The following SYT14 variants were observed in gnomAD, a reference collection of about 807,000 sequenced individuals.
The protein encoded by SYT14 is synaptotagmin-14.
SYT14 carries 32 observed loss-of-function variants against 74.2 expected under a neutral mutation model. That is an observed-to-expected ratio of 0.43 (90% CI 0.33 to 0.58). The LOEUF is 0.58. Ranked by LOEUF, SYT14 falls within the 20% of genes least tolerant of loss-of-function variation. The pLI, the probability that SYT14 is intolerant of heterozygous loss-of-function variation, is 0.05. For missense variants in SYT14, 791 were observed against 981.8 expected (o/e 0.81, Z 2.60); for synonymous variants, 298 against 337.7 (o/e 0.88, Z 1.29).
intron 4 of SYT14, among the ~76,000 whole-genome samples, chr1:210,020,350 T>C (rs2080276855): frequency 6.6e-6 from 1 of 152,210 alleles, no homozygotes; most frequent in South Asian, 2.1e-4. Context: ...CTCAAAAATA[T>C]ATCTTTATTC....
chr1:210,016,969 AC>A lies in SYT14; in HGVS notation c.967del (p.Gln323LysfsTer2). ...ATAAGTTATCTGGGAAAATTGAAGA[AC>A]AAATAAATTCAACGAAATACTGTAA... On this transcript the variant is annotated frameshift_variant, in exon 4 of 10. Coordinates refer to ENST00000637265, the Ensembl canonical transcript of SYT14. LOFTEE classifies it high-confidence loss of function. The A allele has an allele frequency of 8.1e-7, 1 of 1,231,884 alleles. No individual in the cohort carries two copies. Among genetic ancestry groups the A allele is most frequent in the Non-Finnish European group, 1.0e-6 (1 of 987,820 alleles). The allele number at this position is 1,231,884 out of a possible 1,614,324, so 76.3% of individuals were successfully genotyped here.
intron 2 of SYT14, among the ~76,000 whole-genome samples, chr1:210,006,895 G>A (rs1224771927): frequency 6.6e-6 from 1 of 151,738 alleles, no homozygotes; most frequent in Admixed American, 6.6e-5. Context: ...TTATTTTCAT[G>A]TATATCCTAG....
exon 10 of SYT14, chr1:210,168,474 C>T (rs1326419790): frequency 3.9e-5 from 6 of 152,106 alleles, no homozygotes; most frequent in African/African-American, 1.4e-4. Context: ...CTGTTTATTA[C>T]ATTAACATGT....
intron 7 of SYT14, among the ~76,000 whole-genome samples, chr1:210,113,196 G>A (rs2082298123): frequency 6.6e-6 from 1 of 151,196 alleles, no homozygotes; most frequent in African/African-American, 2.5e-5. Flanking sequence ...AAAAGGGAGT[G>A]ATGAGTTAGG....
chr1:210,168,345 TTCTTCACCC>T (rs910803161), exon 10 of SYT14: 12 of 152,200 alleles, frequency 7.9e-5, no homozygotes, highest in Non-Finnish European at 1.8e-4. Flanking sequence ...ATTAGGACCC[TTCTTCACCC>T]TCTTCTTTAT....
In SYT14 at chr1:210,161,027, G is replaced by A. The variant is rs371789098; in HGVS notation, c.2580G>A (p.Ala860=). ...GACAGCAAGTATGTAGATGGCATGCGTTGCTAGAGTCATGATGAATAGAAT... is the reference window on the plus strand; with the variant it reads ...GACAGCAAGTATGTAGATGGCATGCATTGCTAGAGTCATGATGAATAGAAT... Residue 860 remains alanine (A), a synonymous_variant, in exon 10 of 10, where the codon GCG becomes GCA. Coordinates refer to ENST00000637265, the Ensembl canonical transcript of SYT14. 1.4e-4 allele frequency: 219 copies of A among 1,613,644 alleles called. No homozygotes were observed. The highest frequency in any genetic ancestry group is 1.6e-4 in the Middle Eastern group (1 of 6,062).
intron 6 of SYT14, among the ~76,000 whole-genome samples, chr1:210,099,687 C>A (rs962718416): frequency 8.5e-5 from 13 of 152,114 alleles, no homozygotes; most frequent in African/African-American, 3.1e-4. Context: ...TAGTTTTCTA[C>A]AAAAGGAGCA....
At chr1:210,042,206 TA>T (rs1186250319) in intron 5 of SYT14, among the ~76,000 whole-genome samples, 4 of 152,082 alleles carry the variant, frequency 2.6e-5, no homozygotes, top group African/African-American at 9.7e-5. Flanking sequence ...GTTTACATAG[TA>T]ATAAAGCAAA....
chr1:210,049,038 C>T (rs1316019886), intron 5 of SYT14, among the ~76,000 whole-genome samples: 3 of 152,212 alleles, frequency 2.0e-5, no homozygotes, highest in African/African-American at 7.2e-5. Context: ...GGGGTGGGTT[C>T]CTGTGGTTTT....
At chr1:210,026,799 A>ATTAT (rs5780552) in intron 5 of SYT14, among the ~76,000 whole-genome samples, 86,149 of 151,294 alleles carry the variant, frequency 0.57, 26,649 homozygotes, top group African/African-American at 0.82. Flanking sequence ...AGAGTAATAG[A>ATTAT]TTGTTTATAT....
chr1:210,046,784 C>T (rs2080893209), intron 5 of SYT14, among the ~76,000 whole-genome samples: 1 of 152,080 alleles, frequency 6.6e-6, no homozygotes, highest in African/African-American at 2.4e-5. Flanking sequence ...TAGGGCATTT[C>T]CAGTTTTTTA....
intron 6 of SYT14, 80 bp downstream of exon 5, chr1:210,094,673 G>C (rs1449406025): frequency 6.7e-7 from 1 of 1,484,320 alleles, no homozygotes. Flanking sequence ...TTGGTAAGAA[G>C]AATTGATTTT....
intron 7 of SYT14, among the ~76,000 whole-genome samples, chr1:210,106,497 G>A (rs1183371171): frequency 6.6e-6 from 1 of 152,130 alleles, no homozygotes; most frequent in Non-Finnish European, 1.5e-5. Flanking sequence ...ACAGGGCTGG[G>A]GAGGCATCTT....
intron 7 of SYT14, among the ~76,000 whole-genome samples, chr1:210,131,708 A>G (rs930863008): frequency 6.6e-6 from 1 of 152,152 alleles, no homozygotes; most frequent in African/African-American, 2.4e-5. Flanking sequence ...ACCTTTTTCC[A>G]TAGTGAAAAG....
chr1:210,134,039 T>C (rs2102648705), intron 7 of SYT14, among the ~76,000 whole-genome samples: 1 of 151,938 alleles, frequency 6.6e-6, no homozygotes, highest in South Asian at 2.1e-4. Context: ...TACAATTTGA[T>C]TGGTTAGGTT....
At chr1:210,026,143 T>C (rs2080406763) in intron 5 of SYT14, among the ~76,000 whole-genome samples, 1 of 152,124 alleles carries the variant, frequency 6.6e-6, no homozygotes, top group African/African-American at 2.4e-5. Flanking sequence ...GAAATTTTTC[T>C]AGAAAAAAGA....
At chr1:210,142,999 T>G (rs2082951342) in intron 7 of SYT14, among the ~76,000 whole-genome samples, 1 of 152,216 alleles carries the variant, frequency 6.6e-6, no homozygotes, top group Non-Finnish European at 1.5e-5. Context: ...CTTCCCAGGC[T>G]TAGGGCTAGC....
chr1:210,030,651 T>C (rs148822905), intron 5 of SYT14, among the ~76,000 whole-genome samples: 5 of 152,292 alleles, frequency 3.3e-5, no homozygotes, highest in African/African-American at 9.6e-5. Flanking sequence ...GTAGGCATGC[T>C]TGGCTTTTCC....
intron 2 of SYT14, among the ~76,000 whole-genome samples, chr1:209,980,876 A>G (rs1176552942): frequency 6.6e-6 from 1 of 152,218 alleles, no homozygotes; most frequent in Non-Finnish European, 1.5e-5. Flanking sequence ...GAAGTTGGGT[A>G]GCATGCTGCC....
Sources: allele counts gnomAD v4.1 joint callset (sites outside exome capture counted in the v4.1 genomes callset), GRCh38; gene constraint gnomAD v4.1.1; transcripts MANE v1.5; gene names NCBI Gene and HGNC (gene_info 2026-07-23, HGNC 2026-07-21).